The following PRKCB variants were observed in gnomAD, a reference collection of about 807,000 sequenced individuals.
PRKCB encodes protein kinase C beta.
PRKCB carries 13 observed loss-of-function variants against 81.5 expected under a neutral mutation model. The observed-to-expected ratio is 0.16, with a 90% CI of 0.10 to 0.25. The LOEUF (loss-of-function observed/expected upper bound fraction) is 0.25, where lower values mean the gene tolerates loss of function less well. Among genes scored for constraint, PRKCB ranks in the 10% least tolerant of loss-of-function variants. The pLI is 1.00. For synonymous variants in PRKCB, 335 were observed against 321.4 expected (o/e 1.04, Z -0.45); for missense variants, 509 against 875.7 (o/e 0.58, Z 5.29).
chr16:24,021,268 T>TTC lies in PRKCB; in HGVS notation c.289-10867_289-10866insCT, dbSNP rs1965389753. On this transcript the variant is annotated intron_variant, in intron 3 of 16. Transcript: ENST00000643927. ...CTTCCTTCTTCCTTTCTTCCTTTCTTTTTCTTTCTTTTCTCCCTCTCCCTC... is the reference window on the plus strand; with the variant it reads ...CTTCCTTCTTCCTTTCTTCCTTTCTTTCTTTCTTTCTTTTCTCCCTCTCCCTC... Among the ~76,000 whole-genome samples the TTC allele has an allele frequency of 4.7e-5, 6 of 127,120 alleles. 2 individuals carry two copies. The highest frequency in any genetic ancestry group is 9.9e-5 in the Non-Finnish European group (6 of 60,338). The allele number at this position is 127,120 out of a possible 152,430, so 83.4% of individuals were successfully genotyped here.
In PRKCB at chr16:24,218,347, C is replaced by T. The variant is rs1968264350; in HGVS notation, c.*3531C>T. The T allele has an allele frequency of 1.2e-5, 12 of 985,198 alleles. No individual in the cohort carries two copies. Among genetic ancestry groups the T allele is most frequent in the East Asian group, 1.1e-4 (1 of 8,766 alleles). 61.0% of individuals were successfully genotyped at this position (985,198 alleles called of 1,614,324 possible). On this transcript the variant is annotated 3_prime_UTR_variant, in exon 17 of 17. Transcript: ENST00000643927. ...ATGCCGAGCGCCTGGGGGATGGAAACTCCTATAGCACCCCACAGGCTAACA... is the reference window on the plus strand; with the variant it reads ...ATGCCGAGCGCCTGGGGGATGGAAATTCCTATAGCACCCCACAGGCTAACA...
chr16:23,910,001 C>G (rs866617382), intron 2 of PRKCB, among the ~76,000 whole-genome samples: 2 of 152,162 alleles, frequency 1.3e-5, no homozygotes, highest in Non-Finnish European at 2.9e-5. Context: ...AGGACAAACA[C>G]GTTCAGTCCA....
chr16:23,937,032 CT>C (rs2141764056), intron 2 of PRKCB, among the ~76,000 whole-genome samples: 1 of 152,240 alleles, frequency 6.6e-6, no homozygotes, highest in African/African-American at 2.4e-5. Context: ...GTTTTCTTTT[CT>C]TTTTTTCCAT....
chr16:24,141,619 G>T (rs368516618), intron 9 of PRKCB, among the ~76,000 whole-genome samples: 1 of 152,162 alleles, frequency 6.6e-6, no homozygotes, highest in Non-Finnish European at 1.5e-5. Flanking sequence ...TGGCAAATCC[G>T]CATGCTAGAA....
intron 16 of PRKCB, chr16:24,208,204 C>T (rs947666496): frequency 6.6e-6 from 1 of 152,190 alleles, no homozygotes; most frequent in Non-Finnish European, 1.5e-5. Flanking sequence ...CCTTGGAATT[C>T]AAGGTGGCAG....
chr16:23,944,416 T>A (rs1964178440), intron 2 of PRKCB, among the ~76,000 whole-genome samples: 1 of 152,120 alleles, frequency 6.6e-6, no homozygotes, highest in Non-Finnish European at 1.5e-5. Flanking sequence ...ATCTTTAGAT[T>A]TTTTTTTATT....
intron 2 of PRKCB, among the ~76,000 whole-genome samples, chr16:23,915,289 TC>T (rs1963721308): frequency 6.6e-6 from 1 of 152,190 alleles, no homozygotes; most frequent in South Asian, 2.1e-4. Flanking sequence ...GGCGATATTT[TC>T]TGGCGGCCCC....
At chr16:23,877,156 C>G (rs1420718151) in intron 2 of PRKCB, among the ~76,000 whole-genome samples, 1 of 151,882 alleles carries the variant, frequency 6.6e-6, no homozygotes, top group Non-Finnish European at 1.5e-5. Context: ...AAATTTCCCA[C>G]CTGGGTAACA....
intron 2 of PRKCB, among the ~76,000 whole-genome samples, chr16:23,919,212 T>G (rs528525526): frequency 6.6e-6 from 1 of 152,184 alleles, no homozygotes; most frequent in African/African-American, 2.4e-5. Flanking sequence ...GATCCAGCAG[T>G]AGAGAAAATT....
intron 2 of PRKCB, among the ~76,000 whole-genome samples, chr16:23,935,161 G>A (rs926008765): frequency 6.6e-6 from 1 of 152,296 alleles, no homozygotes; most frequent in African/African-American, 2.4e-5. Context: ...GCAGCTTGGA[G>A]TGATCTGGGG....
intron 15 of PRKCB, among the ~76,000 whole-genome samples, chr16:24,189,377 G>A (rs563671676): frequency 2.6e-5 from 4 of 152,284 alleles, no homozygotes; most frequent in Admixed American, 2.6e-4. Flanking sequence ...GGTGGCTCTT[G>A]CCTGTAATCC....
At chr16:23,837,335 CCCCGGGCT>C (rs1425427348) in intron 1 of PRKCB, 32 bp from the exon 2 acceptor site, 8 of 1,612,782 alleles carry the variant, frequency 5.0e-6, no homozygotes, top group Non-Finnish European at 6.8e-6. Context: ...AGGCTGGGCC[CCCCGGGCT>C]GCCTGACATA....
At chr16:23,960,449 T>C (rs1458221084) in intron 2 of PRKCB, among the ~76,000 whole-genome samples, 5 of 152,132 alleles carry the variant, frequency 3.3e-5, no homozygotes, top group Admixed American at 6.5e-5. Context: ...AGTCGTTTCA[T>C]GTCTGTGTCT....
At chr16:23,926,415 T>C (rs1390303089) in intron 2 of PRKCB, among the ~76,000 whole-genome samples, 1 of 151,418 alleles carries the variant, frequency 6.6e-6, no homozygotes, top group East Asian at 1.9e-4. Flanking sequence ...ACCCGGGAGG[T>C]GGAGGTTGCA....
chr16:24,126,959 CACCGCACCT>C lies in PRKCB; in HGVS notation c.1065+2979_1065+2987del, dbSNP rs66548447. On this transcript the variant is annotated intron_variant, in intron 9 of 16. Coordinates refer to ENST00000643927, the MANE Select transcript of PRKCB (RefSeq NM_002738.7). ...AAGTGCTAGGATTACAGGTGTGAGCCACCGCACCTGTCCTAAATTATATATATATATGCT... is the reference window on the plus strand; with the variant it reads ...AAGTGCTAGGATTACAGGTGTGAGCCGTCCTAAATTATATATATATATGCT... Among the ~76,000 whole-genome samples the C allele has an allele frequency of 6.8e-3, 1,040 of 151,836 alleles. 7 individuals are homozygous for C. The highest frequency in any genetic ancestry group is 0.024 in the African/African-American group (979 of 41,396).
At position 24,215,000 on chromosome 16, in the gene PRKCB, A is replaced by G; in HGVS notation, c.*184A>G. The G allele has an allele frequency of 2.1e-6, 3 of 1,406,360 alleles. No individual in the cohort carries two copies. The highest frequency in any genetic ancestry group is 1.8e-6 in the Non-Finnish European group (2 of 1,083,064). The allele number at this position is 1,406,360 out of a possible 1,614,324, so 87.1% of individuals were successfully genotyped here. A position where few individuals can be genotyped will look rare whatever the true frequency, so the allele number is the denominator to read the frequency against. Reference sequence around the variant, plus strand: ...TGGAGCATCTCTATGAGATGGGATTATGCAGATGGCCTATGGAAAATGCAG... The same window carrying G: ...TGGAGCATCTCTATGAGATGGGATTGTGCAGATGGCCTATGGAAAATGCAG... On this transcript the variant is annotated 3_prime_UTR_variant, in exon 17 of 17. Transcript: ENST00000643927.
Position 23,920,009 on chromosome 16 carries a change from A to G in PRKCB, c.206-68499A>G, listed in dbSNP as rs573168482. On this transcript the variant is annotated intron_variant, in intron 2 of 16. Coordinates refer to ENST00000643927, the MANE Select transcript of PRKCB (RefSeq NM_002738.7). ...GGCCCTGTTTTCAATTCTTTTGGCT[A>G]TGAACCCAGAAGTGGAATTGCTAGA... 2.0e-5 allele frequency among the ~76,000 whole-genome samples: 3 copies of G among 152,326 alleles called. No homozygotes were observed. The South Asian group carries it at 6.2e-4, about 32-fold the overall frequency.
At chr16:24,019,721 A>ACTG (rs1479765211) in intron 3 of PRKCB, among the ~76,000 whole-genome samples, 14 of 151,704 alleles carry the variant, frequency 9.2e-5, no homozygotes, top group African/African-American at 3.1e-4. Flanking sequence ...CCGAGATTGC[A>ACTG]CTGCTGCACT....
At chr16:23,843,188 C>T (rs944177835) in intron 2 of PRKCB, among the ~76,000 whole-genome samples, 5 of 151,908 alleles carry the variant, frequency 3.3e-5, no homozygotes, top group African/African-American at 7.3e-5. Context: ...ATAATATGGC[C>T]CCATGCACTT....
Sources: gnomAD v4.1 joint callset for allele counts (sites outside exome capture counted in the v4.1 genomes callset) on GRCh38, gnomAD v4.1.1 for gene constraint, MANE v1.5 for transcripts, NCBI Gene and HGNC (gene_info 2026-07-23, HGNC 2026-07-21) for gene names.